Variants in KLHDC10 observed in about 807,000 individuals in gnomAD.
KLHDC10 encodes the protein kelch domain containing 10.
KLHDC10 carries 24 observed loss-of-function variants against 56.1 expected under a neutral mutation model. That is an observed-to-expected ratio of 0.43 (90% CI 0.31 to 0.60). The LOEUF (loss-of-function observed/expected upper bound fraction) is 0.60, where lower values mean the gene tolerates loss of function less well. Ranked by LOEUF, KLHDC10 falls within the 20% of genes least tolerant of loss-of-function variation. The pLI is 0.11. For missense variants in KLHDC10, 349 were observed against 567.0 expected (o/e 0.62, Z 3.91); for synonymous variants, 188 against 207.1 (o/e 0.91, Z 0.79).
chr7:130,114,927 T>C (rs1438471467), intron 2 of KLHDC10, among the ~76,000 whole-genome samples: 1 of 151,918 alleles, frequency 6.6e-6, no homozygotes, highest in Non-Finnish European at 1.5e-5. Context: ...GGAGAAAAGC[T>C]CTAACATGTT....
At position 130,120,908 on chromosome 7, in the gene KLHDC10, C is replaced by G. The variant is rs192084216; in HGVS notation, c.630+5C>G. ...CCCAGTCGTATATATGGACAGGTACCAATCTGTGGCCAGTCATGGTGTATT... is the reference window on the plus strand; with the variant it reads ...CCCAGTCGTATATATGGACAGGTACGAATCTGTGGCCAGTCATGGTGTATT... On this transcript the variant is annotated splice_donor_5th_base_variant and intron_variant, in intron 4 of 9. Transcript: ENST00000335420. This position sits in a 1 kb window ranked among gnomAD's most constrained non-coding sequence, Gnocchi z 5.1. The G allele has an allele frequency of 1.2e-6, 2 of 1,613,100 alleles. No homozygotes were observed. Among genetic ancestry groups the G allele is most frequent in the Non-Finnish European group, 1.7e-6 (2 of 1,179,340 alleles).
chr7:130,092,623 T>C (rs1389094366), intron 1 of KLHDC10, among the ~76,000 whole-genome samples: 1 of 152,188 alleles, frequency 6.6e-6, no homozygotes, highest in African/African-American at 2.4e-5. Flanking sequence ...GATCCCAGTG[T>C]TCACACTGAT....
At chr7:130,108,312 T>G (rs1331984576) in intron 2 of KLHDC10, among the ~76,000 whole-genome samples, 1 of 152,080 alleles carries the variant, frequency 6.6e-6, no homozygotes, top group African/African-American at 2.4e-5. Flanking sequence ...TAATGGGTTA[T>G]CCCAGATAAA....
intron 1 of KLHDC10, among the ~76,000 whole-genome samples, chr7:130,093,517 C>T (rs1009657798): frequency 6.6e-5 from 10 of 152,172 alleles, no homozygotes; most frequent in African/African-American, 2.2e-4. Flanking sequence ...TGAGCCACCA[C>T]ACCCGGCCTA....
chr7:130,074,196 C>T (rs555601324), intron 1 of KLHDC10, among the ~76,000 whole-genome samples: 1 of 152,310 alleles, frequency 6.6e-6, no homozygotes, highest in Non-Finnish European at 1.5e-5. Flanking sequence ...GTCCATTGCA[C>T]AAGCTTTTCC....
At chr7:130,127,618 A>G (rs1796331341) in intron 8 of KLHDC10, among the ~76,000 whole-genome samples, 167 bp downstream of exon 8, 5 of 152,342 alleles carry the variant, frequency 3.3e-5, no homozygotes, top group Admixed American at 1.3e-4. Context: ...AGCTGTTTTC[A>G]TAATGTAAAC....
At chr7:130,086,076 T>G (rs1299027819) in intron 1 of KLHDC10, among the ~76,000 whole-genome samples, 2 of 152,150 alleles carry the variant, frequency 1.3e-5, no homozygotes, top group Admixed American at 6.6e-5. Flanking sequence ...CTGTATATTT[T>G]TTAAGGCTTT....
Position 130,125,938 on chromosome 7 carries a change from T to C in KLHDC10, c.931+7T>C. 6.4e-7 allele frequency: 1 copy of C among 1,563,718 alleles called. No homozygotes were observed. The highest frequency in any genetic ancestry group is 8.7e-7 in the Non-Finnish European group (1 of 1,148,314). On this transcript the variant is annotated splice_region_variant and intron_variant, in intron 7 of 9. Transcript: ENST00000335420. Reference sequence around the variant, plus strand: ...AAACCCCATGAAAAAATAGGTAAATTTAAAGTATTGATTAATTTATCTTTA... The same window carrying C: ...AAACCCCATGAAAAAATAGGTAAATCTAAAGTATTGATTAATTTATCTTTA...
chr7:130,072,602 C>A (rs183389311), intron 1 of KLHDC10, among the ~76,000 whole-genome samples: 1 of 152,100 alleles, frequency 6.6e-6, no homozygotes, highest in Non-Finnish European at 1.5e-5. Context: ...TTCTTTCATA[C>A]CAATTCTTTA....
At chr7:130,115,799 A>G (rs1234547171) in intron 2 of KLHDC10, among the ~76,000 whole-genome samples, 1 of 151,886 alleles carries the variant, frequency 6.6e-6, no homozygotes, top group African/African-American at 2.4e-5. Context: ...TTTTCTTAGT[A>G]AAGCTCTTAA....
intron 7 of KLHDC10, 88 bp downstream of exon 7, chr7:130,126,019 T>A: frequency 2.1e-6 from 2 of 964,290 alleles, no homozygotes; most frequent in Non-Finnish European, 3.1e-6. Context: ...TTTTACTGAG[T>A]TATATGTCAA....
At chr7:130,125,739 G>C in intron 6 of KLHDC10, 126 bp from the exon 7 acceptor site, 1 of 694,938 alleles carries the variant, frequency 1.4e-6, no homozygotes, top group East Asian at 2.9e-5. Flanking sequence ...TGTACCTTCT[G>C]CTCAGTTTTG....
At chr7:130,129,688 A>C (rs958548551) in intron 9 of KLHDC10, 112 bp downstream of exon 9, 1 of 980,716 alleles carries the variant, frequency 1.0e-6, no homozygotes, top group Non-Finnish European at 1.5e-6. Flanking sequence ...GATGATTAAT[A>C]ACATATTTTT....
Position 130,134,928 on chromosome 7 carries a change from T to C in KLHDC10, c.*4182T>C, listed in dbSNP as rs1348489535. 6.6e-6 allele frequency: 1 copy of C among 152,074 alleles called. No homozygotes were observed. Among genetic ancestry groups the C allele is most frequent in the Non-Finnish European group, 1.5e-5 (1 of 68,020 alleles). 9.4% of individuals were successfully genotyped at this position (152,074 alleles called of 1,614,324 possible). A position where few individuals can be genotyped will look rare whatever the true frequency, so the allele number is the denominator to read the frequency against. On this transcript the variant is annotated 3_prime_UTR_variant, in exon 10 of 10. Transcript: ENST00000335420. ...TTCATAGAGTTCTAGGACTTCCGTG[T>C]GCGTTGCCACCAGATCCTGCCCAGC...
At chr7:130,111,376 G>T (rs565082844) in intron 2 of KLHDC10, among the ~76,000 whole-genome samples, 1 of 152,122 alleles carries the variant, frequency 6.6e-6, no homozygotes, top group Non-Finnish European at 1.5e-5. Context: ...GTAAACAAAA[G>T]ACAAGGAGCA....
chr7:130,081,235 G>T (rs1795602453), intron 1 of KLHDC10, among the ~76,000 whole-genome samples: 1 of 151,978 alleles, frequency 6.6e-6, no homozygotes, highest in South Asian at 2.1e-4. Flanking sequence ...TCCTGACCTG[G>T]TGATCCACCC....
Position 130,128,889 on chromosome 7 carries a change from A to AAAAAAAAAAAAATAT in KLHDC10, c.980-547_980-546insAAAAAAAAAAATATA. Among the ~76,000 whole-genome samples, 20 of 66,954 alleles carry AAAAAAAAAAAAATAT rather than the reference A, an allele frequency of 3.0e-4. 1 individual carries two copies. The highest frequency in any genetic ancestry group is 4.7e-4 in the Non-Finnish European group (17 of 36,136). The allele number at this position is 66,954 out of a possible 152,430, so 43.9% of individuals were successfully genotyped here. A position where few individuals can be genotyped will look rare whatever the true frequency, so the allele number is the denominator to read the frequency against. On this transcript the variant is annotated intron_variant, in intron 8 of 9. Transcript: ENST00000335420. ...ACCTTGTCTCTTAAAAAAAAAAAAA[A>AAAAAAAAAAAAATAT]ATATATATATATATATATATATATA... is the stretch of plus-strand genomic sequence containing the variant.
At chr7:130,104,554 C>T (rs1392455330) in intron 2 of KLHDC10, among the ~76,000 whole-genome samples, 1 of 152,168 alleles carries the variant, frequency 6.6e-6, no homozygotes, top group Non-Finnish European at 1.5e-5. Context: ...TGTTCTTAAT[C>T]TGTTCTTGCA....
chr7:130,095,361 C>G lies in KLHDC10; in HGVS notation c.167-1560C>G, dbSNP rs559031540. Among the ~76,000 whole-genome samples, 37 of 152,110 alleles carry G rather than the reference C, an allele frequency of 2.4e-4. No individual in the cohort carries two copies. In the South Asian group the frequency reaches 6.0e-3, roughly 25 times the overall value. ...TCATAAAGTAAAGAATATTTAACAA[C>G]AAAAAGGTTCTAATCTCTGAAAAAG... On this transcript the variant is annotated intron_variant, in intron 1 of 9. Transcript: ENST00000335420.
Sources: allele counts gnomAD v4.1 joint callset (sites outside exome capture counted in the v4.1 genomes callset), GRCh38; gene constraint gnomAD v4.1.1; non-coding constraint Gnocchi (gnomAD v3.1); transcripts MANE v1.5; gene names NCBI Gene and HGNC (gene_info 2026-07-23, HGNC 2026-07-21).